The following CSF2RA variants were observed in gnomAD, a reference collection of about 807,000 sequenced individuals.
CSF2RA encodes colony stimulating factor 2 receptor subunit alpha.
In CSF2RA, 42 loss-of-function variants were observed where a neutral mutation model predicts 51.6. The observed-to-expected ratio is 0.81, with a 90% CI of 0.64 to 1.05. The LOEUF is 1.05. Among genes scored for constraint, CSF2RA ranks in the 50% least tolerant of loss-of-function variants. The pLI is 0.00. For missense variants in CSF2RA, 530 were observed against 501.1 expected, an observed-to-expected ratio of 1.06 and a Z score of -0.55; for synonymous variants, 222 against 193.0, an observed-to-expected ratio of 1.15 and a Z score of -1.24.
At chrX:1,322,121 T>TATTTATTTATTTA in the CSF2RA span, among the ~76,000 whole-genome samples, 2 of 151,776 alleles carry the variant, frequency 1.3e-5, no homozygotes, top group African/African-American at 2.4e-5. Context: ...TTTATTTATT[T>TATTTATTTATTTA]TTGAGACAGT....
chrX:1,286,245 C>T (rs1434765455), intron 4 of CSF2RA, among the ~76,000 whole-genome samples: 1 of 151,750 alleles, frequency 6.6e-6, no homozygotes. Context: ...TGCACTCCAG[C>T]CTGGGTGACA....
chrX:1,323,697 A>G, the CSF2RA span, among the ~76,000 whole-genome samples: 2 of 151,516 alleles, frequency 1.3e-5, no homozygotes, highest in South Asian at 4.2e-4. Context: ...TAGCCTGGGC[A>G]ACATAGTGAG....
intron 2 of CSF2RA, among the ~76,000 whole-genome samples, chrX:1,280,955 CCTCCTCCTTCTCCTCCTCCTGCTT>C (rs2089900356): frequency 9.0e-6 from 1 of 111,542 alleles, no homozygotes; most frequent in Non-Finnish European, 2.0e-5. Flanking sequence ...TGCTTCTCCT[CCTCCTCCTTCTCCTCCTCCTGCTT>C]CTCCTCCTCC....
At chrX:1,307,279 G>A (rs1173161695) in intron 12 of CSF2RA, among the ~76,000 whole-genome samples, 3 of 152,098 alleles carry the variant, frequency 2.0e-5, no homozygotes, top group Non-Finnish European at 4.4e-5. Context: ...TCCTTTAGAC[G>A]TTTGACTGAT....
intron 9 of CSF2RA, among the ~76,000 whole-genome samples, chrX:1,297,888 C>G (rs2092077621): frequency 2.9e-5 from 3 of 102,394 alleles, no homozygotes; most frequent in Non-Finnish European, 4.2e-5. Context: ...ACCCTACAGT[C>G]CCCTACTCAC....
chrX:1,313,832 T>C (rs766124948), downstream of CSF2RA, among the ~76,000 whole-genome samples: 1 of 151,112 alleles, frequency 6.6e-6, no homozygotes, highest in African/African-American at 2.4e-5. Flanking sequence ...CTGCTAAAGA[T>C]ACAAAATCTT....
intron 1 of CSF2RA, among the ~76,000 whole-genome samples, chrX:1,271,197 G>T (rs28457027): frequency 0.37 from 34,191 of 93,574 alleles, 5,965 homozygotes; most frequent in East Asian, 0.42. Context: ...TCGTGCTGTC[G>T]CCCAGGCTGG....
chrX:1,309,487 A>C lies in CSF2RA; in HGVS notation c.*8A>C. ...GTGAAGGAAATTACCTGAGACCCAG[A>C]GGGTGTAGGAATGGCATGGACATCT... is the stretch of plus-strand genomic sequence containing the variant. On this transcript the variant is annotated 3_prime_UTR_variant, in exon 13 of 13. Coordinates refer to ENST00000381529, the MANE Select transcript of CSF2RA (RefSeq NM_172245.4). 1 of 1,613,990 alleles carries C rather than the reference A, an allele frequency of 6.2e-7. No homozygotes were observed. Among genetic ancestry groups the C allele is most frequent in the Non-Finnish European group, 8.5e-7 (1 of 1,179,850 alleles).
At chrX:1,285,718 AAAAAAAAAAAAAAG>A (rs1267685969) in intron 3 of CSF2RA, 46 bp from the exon 4 acceptor site, 28,521 of 1,294,450 alleles carry the variant, frequency 0.022, 113 homozygotes, top group Non-Finnish European at 0.026. Context: ...AAAAAAAAAA[AAAAAAAAAAAAAAG>A]GAAAAGAAAA....
intron 12 of CSF2RA, among the ~76,000 whole-genome samples, chrX:1,307,995 C>T (rs28721949): frequency 0.77 from 114,140 of 148,628 alleles, 43,928 homozygotes; most frequent in East Asian, 0.85. Context: ...TTAGACAAGG[C>T]CCACCCCCTT....
rs770309852 is a variant in CSF2RA, at chrX:1,288,841, G to T, written c.426G>T (p.Pro142=). The change falls in exon 6 of 13, where the codon CCG becomes CCT. Residue 142 remains proline (P), a synonymous_variant. Transcript: ENST00000381529. Reference sequence around the variant, plus strand: ...TGAACTGTACCTGGGCGAGGGGTCCGACGGCCCCCCGTGACGTCCAGTATT... The same window carrying T: ...TGAACTGTACCTGGGCGAGGGGTCCTACGGCCCCCCGTGACGTCCAGTATT... The part of the protein sequence containing the change: ...DLMNCTWARG[P]TAPRDVQYFL... 17 of 1,613,866 alleles carry T rather than the reference G, an allele frequency of 1.1e-5. No individual in the cohort carries two copies. The highest frequency in any genetic ancestry group is 1.4e-5 in the Non-Finnish European group (17 of 1,179,880).
chrX:1,303,290 C>T, intron 10 of CSF2RA: 1 of 429,792 alleles, frequency 2.3e-6, no homozygotes, highest in Non-Finnish European at 4.1e-6. Context: ...GGCTGGAGTG[C>T]AATGGCACAA....
rs749833246 is a variant in CSF2RA, at chrX:1,277,593, CAAAA to C, written c.-27+2796_-27+2799del. 3.4e-3 allele frequency among the ~76,000 whole-genome samples: 236 copies of C among 70,436 alleles called. 2 individuals are homozygous for C. Among genetic ancestry groups the C allele is most frequent in the African/African-American group, 0.013 (213 of 16,176 alleles). The allele number at this position is 70,436 out of a possible 152,430, so 46.2% of individuals were successfully genotyped here. On this transcript the variant is annotated intron_variant, in intron 2 of 12. Transcript: ENST00000381529. ...CCTGGGCGATAGAGTAAGTCCATCTCAAAAAAAAAAAAAAAAAAAAAAAATTCGG... is the reference window on the plus strand; with the variant it reads ...CCTGGGCGATAGAGTAAGTCCATCTCAAAAAAAAAAAAAAAAAAAATTCGG...
downstream of CSF2RA, among the ~76,000 whole-genome samples, chrX:1,314,912 T>G (rs1487032472): frequency 1.4e-4 from 13 of 91,746 alleles, no homozygotes; most frequent in African/African-American, 4.8e-4. Context: ...TCAACCCCAC[T>G]TCACCTGCCC....
chrX:1,308,496 A>T (rs2083902964), intron 12 of CSF2RA, among the ~76,000 whole-genome samples: 1 of 151,878 alleles, frequency 6.6e-6, no homozygotes, highest in East Asian at 1.9e-4. Context: ...CCCACATCCC[A>T]AGACCCCGTG....
intron 2 of CSF2RA, among the ~76,000 whole-genome samples, chrX:1,276,140 A>G (rs1323633511): frequency 2.4e-4 from 36 of 151,518 alleles, no homozygotes; most frequent in East Asian, 1.5e-3. Flanking sequence ...AGCTGGCATT[A>G]CAGAGGTACG....
At chrX:1,290,310 C>T (rs778093568) in intron 6 of CSF2RA, 27 bp from the exon 7 acceptor site, 7 of 1,591,786 alleles carry the variant, frequency 4.4e-6, no homozygotes, top group Non-Finnish European at 6.0e-6. Context: ...TTCCTGATTG[C>T]TCTCTGAGCA....
At chrX:1,310,627 C>T (rs1445947526), downstream of CSF2RA, among the ~76,000 whole-genome samples, 4 of 148,894 alleles carry the variant, frequency 2.7e-5, no homozygotes, top group Admixed American at 6.7e-5. Flanking sequence ...GAGATCACAA[C>T]ACCGCACTCC....
chrX:1,284,641 T>C (rs1441292402), intron 3 of CSF2RA, among the ~76,000 whole-genome samples: 12 of 149,116 alleles, frequency 8.0e-5, no homozygotes, highest in Non-Finnish European at 1.3e-4. Flanking sequence ...TCTTGCTATG[T>C]TGCCAAGACT....
Sources: gnomAD v4.1 joint callset for allele counts (sites outside exome capture counted in the v4.1 genomes callset) on GRCh38, gnomAD v4.1.1 for gene constraint, MANE v1.5 for transcripts, NCBI Gene and HGNC (gene_info 2026-07-23, HGNC 2026-07-21) for gene names.